The following ARID5A variants were observed in gnomAD, a reference collection of about 807,000 sequenced individuals.
ARID5A encodes the protein AT-rich interactive domain-containing protein 5A.
ARID5A carries 14 observed loss-of-function variants against 30.5 expected under a neutral mutation model. That is an observed-to-expected ratio of 0.46 (90% CI 0.30 to 0.72). ARID5A has a LOEUF of 0.72. Ranked by LOEUF, ARID5A falls within the 30% of genes least tolerant of loss-of-function variation. The probability of loss-of-function intolerance (pLI) is 0.07; values close to 1 mark genes in which losing one functional copy is unlikely to be tolerated. For synonymous variants in ARID5A, 338 were observed against 340.4 expected (o/e 0.99, Z 0.08); for missense variants, 669 against 786.2 (o/e 0.85, Z 1.78).
Position 96,549,605 on chromosome 2 carries a change from C to A in ARID5A, c.259+146C>A. 1 of 1,481,324 alleles carries A rather than the reference C, an allele frequency of 6.8e-7. No individual in the cohort carries two copies. The highest frequency in any genetic ancestry group is 9.3e-7 in the Non-Finnish European group (1 of 1,070,072). 91.8% of individuals were successfully genotyped at this position (1,481,324 alleles called of 1,614,324 possible). A position where few individuals can be genotyped will look rare whatever the true frequency, so the allele number is the denominator to read the frequency against. On this transcript the variant is annotated intron_variant, in intron 3 of 6. Coordinates refer to ENST00000357485, the MANE Select transcript of ARID5A (RefSeq NM_212481.3). The surrounding 1 kb of genome is among the most constrained non-coding windows in gnomAD (Gnocchi z 6.1). Reference sequence around the variant, plus strand: ...CCAGGCTGCCACTGGGCCAGGGGTGCACAGGGCACAGCCTGCCCGTCTATT... The same window carrying A: ...CCAGGCTGCCACTGGGCCAGGGGTGAACAGGGCACAGCCTGCCCGTCTATT...
At position 96,549,095 on chromosome 2, in the gene ARID5A, G is replaced by A. The variant is rs1018050606; in HGVS notation, c.121-226G>A. Among the ~76,000 whole-genome samples the A allele has an allele frequency of 2.0e-5, 3 of 152,172 alleles. No individual in the cohort carries two copies. The highest frequency in any genetic ancestry group is 4.4e-5 in the Non-Finnish European group (3 of 68,022). ...AGCTGCTCTGGGGTACCCAGCCTCCGGGGAGGTCCTGGACTCTAGCTCCTG... is the reference window on the plus strand; with the variant it reads ...AGCTGCTCTGGGGTACCCAGCCTCCAGGGAGGTCCTGGACTCTAGCTCCTG... On this transcript the variant is annotated intron_variant, in intron 2 of 6. Transcript: ENST00000357485. This position sits in a 1 kb window ranked among gnomAD's most constrained non-coding sequence, Gnocchi z 6.1.
Position 96,550,702 on chromosome 2 carries a change from A to G in ARID5A, c.539A>G (p.Lys180Arg), listed in dbSNP as rs927676001. The change falls in exon 6 of 7, where the codon AAG (lysine) becomes AGG (arginine). Residue 180 changes from lysine to arginine, a missense_variant. This residue lies in a region of ARID5A where 548 missense variants were observed against 577.4 expected (regional missense o/e 0.95). Coordinates refer to ENST00000357485, the MANE Select transcript of ARID5A (RefSeq NM_212481.3). This position sits in a 1 kb window ranked among gnomAD's most constrained non-coding sequence, Gnocchi z 6.6. The stretch of plus-strand genomic sequence containing the variant: ...GATGATGGGGCCACCGAGAGGCCGA[A>G]GAAGGCCAAGGAGGAGCGGCGCATG... ...RGDDGATERPKKAKEERRMDQ... is the reference protein window; with the variant it reads ...RGDDGATERPRKAKEERRMDQ... 1 of 1,593,130 alleles carries G rather than the reference A, an allele frequency of 6.3e-7. No individual in the cohort carries two copies.
Position 96,537,563 on chromosome 2 carries a change from C to T in ARID5A, c.4+733C>T, listed in dbSNP as rs1003570362. Reference sequence around the variant, plus strand: ...AGGGGTCGCTTCCCTGGTTGCTCTCCTCTCCTGTCCCTTGTGTGTCCCCTT... The same window carrying T: ...AGGGGTCGCTTCCCTGGTTGCTCTCTTCTCCTGTCCCTTGTGTGTCCCCTT... On this transcript the variant is annotated intron_variant, in intron 1 of 6. Coordinates refer to ENST00000357485, the MANE Select transcript of ARID5A (RefSeq NM_212481.3). This position sits in a 1 kb window ranked among gnomAD's most constrained non-coding sequence, Gnocchi z 4.8. The T allele has an allele frequency of 6.6e-6, 1 of 152,424 alleles. No individual in the cohort carries two copies. The highest frequency in any genetic ancestry group is 1.5e-5 in the Non-Finnish European group (1 of 68,144). The allele number at this position is 152,424 out of a possible 1,614,324, so 9.4% of individuals were successfully genotyped here.
At chr2:96,540,773 G>A (rs1209448655) in intron 1 of ARID5A, among the ~76,000 whole-genome samples, 3 of 152,202 alleles carry the variant, frequency 2.0e-5, no homozygotes, top group East Asian at 3.8e-4. Context: ...TTTTGGAGAC[G>A]GAGTCTCTGT....
chr2:96,539,949 G>C lies in ARID5A; in HGVS notation c.4+3119G>C, dbSNP rs986176560. Among the ~76,000 whole-genome samples, 1 of 152,200 alleles carries C rather than the reference G, an allele frequency of 6.6e-6. No individual in the cohort carries two copies. Among genetic ancestry groups the C allele is most frequent in the African/African-American group, 2.4e-5 (1 of 41,454 alleles). On this transcript the variant is annotated intron_variant, in intron 1 of 6. Coordinates refer to ENST00000357485, the MANE Select transcript of ARID5A (RefSeq NM_212481.3). The surrounding 1 kb of genome is among the most constrained non-coding windows in gnomAD (Gnocchi z 4.7). ...CCCATTAGAAAGAAAAAAATCTCTA[G>C]CTCTCAGGGATCAGCGTCTCTCAGG...
intron 2 of ARID5A, 126 bp downstream of exon 2, chr2:96,547,643 C>A: frequency 1.2e-6 from 1 of 826,818 alleles, no homozygotes; most frequent in African/African-American, 1.7e-5. Flanking sequence ...TACCCTGGCC[C>A]TGCCCAGCAG....
intron 1 of ARID5A, among the ~76,000 whole-genome samples, chr2:96,545,056 T>C (rs1014605626): frequency 6.6e-6 from 1 of 152,110 alleles, no homozygotes; most frequent in African/African-American, 2.4e-5. Context: ...AATCTCATGA[T>C]CAAACTTGAG....
chr2:96,545,113 T>C (rs1224883602), intron 1 of ARID5A, among the ~76,000 whole-genome samples: 2 of 78,252 alleles, frequency 2.6e-5, no homozygotes, highest in Non-Finnish European at 4.9e-5. Context: ...AGTGACTTTT[T>C]TTCTTCTTTT....
At chr2:96,548,799 G>A (rs1452616318) in intron 2 of ARID5A, among the ~76,000 whole-genome samples, 1 of 152,226 alleles carries the variant, frequency 6.6e-6, no homozygotes, top group Non-Finnish European at 1.5e-5. Flanking sequence ...ACCTCCCTGT[G>A]CTCAGCACGG....
chr2:96,551,906 C>T lies in ARID5A; in HGVS notation c.1378C>T (p.Arg460Trp), dbSNP rs374390790. The T allele has an allele frequency of 2.1e-5, 33 of 1,536,982 alleles. No individual in the cohort carries two copies. The highest frequency in any genetic ancestry group is 2.3e-5 in the East Asian group (1 of 43,998). ...TGCTGCCCACAGTGGGAAGAGACTG[C>T]GGGCCGTGTCTCCCTTTCTTAAGGA... ...EGAAHSGKRL[R>W]AVSPFLKEAD... The change falls in exon 7 of 7, where the codon CGG becomes TGG. Residue 460 changes from arginine (R) to tryptophan (W), a missense_variant. This residue lies in a region of ARID5A where 548 missense variants were observed against 577.4 expected (regional missense o/e 0.95). Coordinates refer to ENST00000357485, the MANE Select transcript of ARID5A (RefSeq NM_212481.3).
intron 1 of ARID5A, among the ~76,000 whole-genome samples, chr2:96,540,365 C>T (rs117415124): frequency 6.6e-6 from 1 of 152,208 alleles, no homozygotes; most frequent in South Asian, 2.1e-4. Flanking sequence ...TGCCGCACCC[C>T]CTCTCTGCTT....
rs1284775709 is a variant in ARID5A at position 96,550,340 on chromosome 2, C to T, written c.410+55C>T. 4.9e-6 allele frequency: 7 copies of T among 1,423,064 alleles called. No individual in the cohort carries two copies. The highest frequency in any genetic ancestry group is 3.1e-5 in the Admixed American group (1 of 32,570). The allele number at this position is 1,423,064 out of a possible 1,614,324, so 88.2% of individuals were successfully genotyped here. On this transcript the variant is annotated intron_variant, in intron 5 of 6. Coordinates refer to ENST00000357485, the MANE Select transcript of ARID5A (RefSeq NM_212481.3). This position sits in a 1 kb window ranked among gnomAD's most constrained non-coding sequence, Gnocchi z 6.6. ...GCCGCCTACCCTGCGGGGCTTTGGCCGACCTTGCCGGGAGGGCCGGGTGGA... is the reference window on the plus strand; with the variant it reads ...GCCGCCTACCCTGCGGGGCTTTGGCTGACCTTGCCGGGAGGGCCGGGTGGA...
At chr2:96,548,335 G>T (rs746791933) in intron 2 of ARID5A, among the ~76,000 whole-genome samples, 4 of 151,956 alleles carry the variant, frequency 2.6e-5, no homozygotes, top group Non-Finnish European at 5.9e-5. Context: ...GCACAATCTT[G>T]GCTCACTGCA....
intron 1 of ARID5A, 86 bp downstream of exon 1, chr2:96,536,916 C>CGA: frequency 8.2e-7 from 1 of 1,219,190 alleles, no homozygotes; most frequent in Non-Finnish European, 1.0e-6. Context: ...CCCCTCCAGC[C>CGA]CTCGTGGCAG....
rs1448977763 is a variant in ARID5A at position 96,539,915 on chromosome 2, C to T, written c.4+3085C>T. Among the ~76,000 whole-genome samples, 1 of 152,186 alleles carries T rather than the reference C, an allele frequency of 6.6e-6. No homozygotes were observed. The highest frequency in any genetic ancestry group is 1.5e-5 in the Non-Finnish European group (1 of 68,044). On this transcript the variant is annotated intron_variant, in intron 1 of 6. Coordinates refer to ENST00000357485, the MANE Select transcript of ARID5A (RefSeq NM_212481.3). This position sits in a 1 kb window ranked among gnomAD's most constrained non-coding sequence, Gnocchi z 4.7. ...TGAGCACAGATAAGGAACTTGAGGT[C>T]TCCCTGCTCCCATTAGAAAGAAAAA...
At chr2:96,542,060 A>G (rs188049942) in intron 1 of ARID5A, among the ~76,000 whole-genome samples, 1 of 152,350 alleles carries the variant, frequency 6.6e-6, no homozygotes, top group African/African-American at 2.4e-5. Context: ...CTGGACCTGC[A>G]TGGCCCAACA....
At chr2:96,543,444 G>A (rs533728759) in intron 1 of ARID5A, among the ~76,000 whole-genome samples, 15 of 151,902 alleles carry the variant, frequency 9.9e-5, no homozygotes, top group African/African-American at 1.2e-4. Flanking sequence ...TTAACAGCAC[G>A]TGCTCACTTT....
intron 1 of ARID5A, among the ~76,000 whole-genome samples, chr2:96,538,572 C>T (rs1350623182): frequency 6.6e-6 from 1 of 152,220 alleles, no homozygotes; most frequent in Admixed American, 6.5e-5. Context: ...CAGCTCAACA[C>T]TTGGCAGGCC....
Position 96,547,449 on chromosome 2 carries a change from C to G in ARID5A, c.52C>G (p.Leu18Val), listed in dbSNP as rs2065948663. The G allele has an allele frequency of 2.5e-6, 4 of 1,614,068 alleles. No homozygotes were observed. Among genetic ancestry groups the G allele is most frequent in the Non-Finnish European group, 3.4e-6 (4 of 1,180,004 alleles). ...GAAGCAGTCCACGGAGGGTGACGCCCTAGACCCACCTGCATCCCCCAAACC... is the reference window on the plus strand; with the variant it reads ...GAAGCAGTCCACGGAGGGTGACGCCGTAGACCCACCTGCATCCCCCAAACC... ...NRKQSTEGDA[L>V]DPPASPKPAG... is the part of the protein sequence containing the mutation. The change falls in exon 2 of 7, where the codon CTA becomes GTA. Residue 18 changes from leucine (L) to valine (V), a missense_variant. Around this residue, in one of 4 missense-constraint regions of ARID5A, gnomAD observed 56 missense variants for 72.8 expected, o/e 0.77. Transcript: ENST00000357485.
Sources: gnomAD v4.1 joint callset for allele counts (sites outside exome capture counted in the v4.1 genomes callset) on GRCh38, gnomAD v4.1.1 for gene constraint, gnomAD v4.1.1 regional missense constraint, Gnocchi (gnomAD v3.1) non-coding constraint, MANE v1.5 for transcripts, NCBI Gene and HGNC (gene_info 2026-07-23, HGNC 2026-07-21) for gene names.